The following IL13RA1 variants were observed in gnomAD, a reference collection of about 807,000 sequenced individuals.
IL13RA1 encodes interleukin-13 receptor subunit alpha-1.
Under a neutral mutation model 33.8 loss-of-function variants are expected in IL13RA1, and 14 were observed. The observed-to-expected ratio is 0.41, with a 90% CI of 0.27 to 0.65. The LOEUF is 0.65. Ranked by LOEUF, IL13RA1 falls within the 30% of genes least tolerant of loss-of-function variation. IL13RA1 has a pLI of 0.28. For missense variants in IL13RA1, 313 were observed against 327.0 expected, an observed-to-expected ratio of 0.96 and a Z score of 0.33; for synonymous variants, 116 against 115.7, an observed-to-expected ratio of 1.00 and a Z score of -0.02.
At chrX:118,776,550 T>TG (rs771671174) in intron 10 of IL13RA1, 39 bp downstream of exon 10, 13 of 483,229 alleles carry the variant, frequency 2.7e-5, no homozygotes, top group East Asian at 7.5e-5. Context: ...TGTTTTTTTT[T>TG]TTTTTTTTTT....
At chrX:118,732,477 A>G (rs1213135566) in intron 1 of IL13RA1, among the ~76,000 whole-genome samples, 2 of 110,527 alleles carry the variant, frequency 1.8e-5, no homozygotes, top group African/African-American at 3.3e-5. Flanking sequence ...ATATGTATAC[A>G]TGTGCCATGT....
At chrX:118,737,022 A>G (rs924624186) in intron 1 of IL13RA1, among the ~76,000 whole-genome samples, 1 of 112,817 alleles carries the variant, frequency 8.9e-6, no homozygotes, top group African/African-American at 3.2e-5. Context: ...ATTCTTTTAC[A>G]TCTTCTGGAA....
chrX:118,755,600 A>T (rs2017521285), intron 4 of IL13RA1, among the ~76,000 whole-genome samples: 1 of 111,851 alleles, frequency 8.9e-6, no homozygotes, highest in Non-Finnish European at 1.9e-5. Flanking sequence ...ATTATTTCTA[A>T]ATTACAACAA....
the IL13RA1 span, among the ~76,000 whole-genome samples, chrX:118,800,827 T>G: frequency 3.6e-5 from 4 of 111,933 alleles, no homozygotes; most frequent in African/African-American, 1.3e-4. Flanking sequence ...ACTTTTATCA[T>G]GCAGGCTGGA....
the IL13RA1 span, among the ~76,000 whole-genome samples, chrX:118,801,175 G>A: frequency 1.8e-5 from 2 of 112,485 alleles, no homozygotes; most frequent in African/African-American, 6.5e-5. Context: ...ATTACTAATT[G>A]GAAACAATTT....
At chrX:118,773,769 G>A (rs1442260350) in intron 8 of IL13RA1, 110 bp from the exon 9 acceptor site, 2 of 510,959 alleles carry the variant, frequency 3.9e-6, no homozygotes, top group Admixed American at 2.9e-5. Context: ...AATAGGTTGG[G>A]GGAGGGAGCA....
chrX:118,727,913 C>T (rs1190225579), intron 1 of IL13RA1, among the ~76,000 whole-genome samples, 187 bp downstream of exon 1: 1 of 112,071 alleles, frequency 8.9e-6, no homozygotes, highest in East Asian at 2.9e-4. Context: ...GGGCCCGGTA[C>T]TGGGGCCGGT....
downstream of IL13RA1, among the ~76,000 whole-genome samples, chrX:118,799,426 T>C (rs2018052244): frequency 8.8e-6 from 1 of 113,335 alleles, no homozygotes; most frequent in Non-Finnish European, 1.9e-5. Flanking sequence ...CTCCTGAGTC[T>C]GGTGGGGACG....
intron 10 of IL13RA1, among the ~76,000 whole-genome samples, chrX:118,786,500 G>C (rs1189970783): frequency 8.9e-6 from 1 of 112,117 alleles, no homozygotes; most frequent in East Asian, 2.8e-4. Context: ...CTCCCAAAGT[G>C]CTGGGATTAT....
chrX:118,773,815 T>C (rs2017752266), intron 8 of IL13RA1, 64 bp from the exon 9 acceptor site: 1 of 594,462 alleles, frequency 1.7e-6, no homozygotes, highest in Non-Finnish European at 2.9e-6. Flanking sequence ...ACAGAATTGC[T>C]GCTTGGTTTA....
At chrX:118,799,851 T>G in the IL13RA1 span, among the ~76,000 whole-genome samples, 27 of 44,553 alleles carry the variant, frequency 6.1e-4, no homozygotes, top group South Asian at 1.6e-3. Flanking sequence ...CACCTTGTGT[T>G]TAGCTCAAGG....
intron 3 of IL13RA1, among the ~76,000 whole-genome samples, chrX:118,747,778 A>G (rs2017423360): frequency 9.1e-6 from 1 of 110,186 alleles, no homozygotes; most frequent in Admixed American, 9.9e-5. Context: ...AGTAGCATAT[A>G]CTGATTAAGA....
chrX:118,774,535 G>A lies in IL13RA1; in HGVS notation c.1106+560G>A, dbSNP rs190769405. On this transcript the variant is annotated intron_variant, in intron 9 of 10. Transcript: ENST00000371666. ...CACTGCTGCCTTTGCATGTGTTTAG[G>A]ATTGTTGAATAGGTCCTATGTTCAC... 2.0e-4 allele frequency among the ~76,000 whole-genome samples: 22 copies of A among 112,445 alleles called. No individual in the cohort carries two copies. The East Asian group carries it at 6.1e-3, about 31-fold the overall frequency.
chrX:118,791,676 T>G, intron 10 of IL13RA1, 86 bp from the exon 11 acceptor site: 2 of 408,362 alleles, frequency 4.9e-6, no homozygotes, highest in Non-Finnish European at 8.4e-6. Flanking sequence ...CACACAAACC[T>G]AAAAATAAGC....
chrX:118,764,860 T>A (rs1459265135), intron 6 of IL13RA1, among the ~76,000 whole-genome samples: 5 of 111,813 alleles, frequency 4.5e-5, no homozygotes, highest in Non-Finnish European at 9.4e-5. Flanking sequence ...GGTTTCTCGC[T>A]CCCTGTCTCT....
chrX:118,794,516 T>C lies in IL13RA1; in HGVS notation c.*2662T>C, dbSNP rs1367579287. On this transcript the variant is annotated 3_prime_UTR_variant, in exon 11 of 11. Coordinates refer to ENST00000371666, the MANE Select transcript of IL13RA1 (RefSeq NM_001560.3). ...TAGGAAAGCTTGAGTAAAATAAATA[T>C]TGTCTTTTTGTATGTCACCCAAATG... 8.9e-6 allele frequency: 1 copy of C among 112,498 alleles called. No individual in the cohort carries two copies. The highest frequency in any genetic ancestry group is 3.2e-5 in the African/African-American group (1 of 30,863). The allele number at this position is 112,498 out of a possible 1,213,427, so 9.3% of individuals were successfully genotyped here. A position where few individuals can be genotyped will look rare whatever the true frequency, so the allele number is the denominator to read the frequency against.
intron 1 of IL13RA1, among the ~76,000 whole-genome samples, chrX:118,731,888 C>T (rs1005482802): frequency 3.6e-5 from 4 of 111,829 alleles, no homozygotes; most frequent in Non-Finnish European, 7.5e-5. Context: ...AAGTTATACA[C>T]GAAGAGCTGT....
chrX:118,767,898 A>C (rs1045526680), intron 8 of IL13RA1, among the ~76,000 whole-genome samples: 4 of 112,079 alleles, frequency 3.6e-5, no homozygotes, highest in African/African-American at 1.3e-4. Flanking sequence ...AGCTATGGTC[A>C]CATCAGAATT....
chrX:118,751,869 A>G (rs1281203188), intron 4 of IL13RA1, among the ~76,000 whole-genome samples: 1 of 103,820 alleles, frequency 9.6e-6, no homozygotes, highest in Non-Finnish European at 2.0e-5. Flanking sequence ...GATACATTAA[A>G]ACACTCATGG....
Sources: allele counts gnomAD v4.1 joint callset (sites outside exome capture counted in the v4.1 genomes callset), GRCh38; gene constraint gnomAD v4.1.1; transcripts MANE v1.5; gene names NCBI Gene and HGNC (gene_info 2026-07-23, HGNC 2026-07-21).